The following RIMS2 variants were observed in gnomAD, a reference collection of about 807,000 sequenced individuals.
The protein encoded by RIMS2 is regulating synaptic membrane exocytosis protein 2.
Under a neutral mutation model 174.4 loss-of-function variants are expected in RIMS2, and 59 were observed. The observed-to-expected ratio is 0.34, with a 90% CI of 0.27 to 0.42. RIMS2 has a LOEUF of 0.42. RIMS2 is among the 10% of genes least tolerant of loss of function. The probability of loss-of-function intolerance (pLI) is 1.00; values close to 1 mark genes in which losing one functional copy is unlikely to be tolerated. For synonymous variants in RIMS2, 606 were observed against 572.5 expected, an observed-to-expected ratio of 1.06 and a Z score of -0.84; for missense variants, 1,620 against 1,666.3, an observed-to-expected ratio of 0.97 and a Z score of 0.48.
intron 1 of RIMS2, among the ~76,000 whole-genome samples, chr8:103,644,612 T>G (rs1228373407): frequency 6.6e-6 from 1 of 151,820 alleles, no homozygotes; most frequent in African/African-American, 2.4e-5. Context: ...TGATTTTATC[T>G]AAAATATTGG....
intron 3 of RIMS2, among the ~76,000 whole-genome samples, chr8:103,832,963 C>T (rs146574518): frequency 9.6e-4 from 146 of 152,252 alleles, no homozygotes; most frequent in African/African-American, 3.2e-3. Flanking sequence ...AGTTTCTGTT[C>T]TGAAGATCCA....
intron 1 of RIMS2, among the ~76,000 whole-genome samples, chr8:103,565,328 G>C (rs1003937275): frequency 6.6e-6 from 1 of 151,320 alleles, no homozygotes; most frequent in South Asian, 2.1e-4. Flanking sequence ...TTTTGGAGAC[G>C]AGGTCTCACT....
At chr8:104,026,364 T>C (rs374419475) in intron 19 of RIMS2, among the ~76,000 whole-genome samples, 23 of 152,176 alleles carry the variant, frequency 1.5e-4, no homozygotes, top group African/African-American at 5.1e-4. Context: ...TCTCAAATAG[T>C]TTTGTTTCCA....
intron 3 of RIMS2, among the ~76,000 whole-genome samples, chr8:103,830,210 C>T (rs2098817080): frequency 6.6e-6 from 1 of 151,844 alleles, no homozygotes; most frequent in Non-Finnish European, 1.5e-5. Flanking sequence ...TCTCGTTTGT[C>T]TACCATTTCA....
chr8:103,832,702 A>G (rs1173632767), intron 3 of RIMS2, among the ~76,000 whole-genome samples: 1 of 152,232 alleles, frequency 6.6e-6, no homozygotes, highest in Non-Finnish European at 1.5e-5. Flanking sequence ...ATGTCCCTGC[A>G]ATAGACATGA....
intron 19 of RIMS2, among the ~76,000 whole-genome samples, chr8:104,213,762 T>C (rs562615584): frequency 6.7e-6 from 1 of 149,292 alleles, no homozygotes; most frequent in Non-Finnish European, 1.5e-5. Flanking sequence ...CTGTAGTCCC[T>C]GCTACTCAGG....
At chr8:103,838,848 G>A (rs565445924) in intron 3 of RIMS2, among the ~76,000 whole-genome samples, 2 of 152,262 alleles carry the variant, frequency 1.3e-5, no homozygotes, top group Admixed American at 6.5e-5. Flanking sequence ...GGCAGATCAC[G>A]AGGTCAGGAG....
At position 104,147,774 on chromosome 8, in the gene RIMS2, C is replaced by T. The variant is rs144613483; in HGVS notation, c.3335-97142C>T. Among the ~76,000 whole-genome samples, 678 of 152,280 alleles carry T rather than the reference C, an allele frequency of 4.5e-3. 9 individuals carry two copies. Among genetic ancestry groups the T allele is most frequent in the African/African-American group, 0.016 (657 of 41,556 alleles). ...CTGGATAGCCTGCTTCCAGATTCTTCGCTTTCTAATCTACCTCTACCATAC... is the reference window on the plus strand; with the variant it reads ...CTGGATAGCCTGCTTCCAGATTCTTTGCTTTCTAATCTACCTCTACCATAC... On this transcript the variant is annotated intron_variant, in intron 19 of 23. Coordinates refer to ENST00000504942, the Ensembl canonical transcript of RIMS2.
At chr8:103,520,675 C>T (rs1195435462) in intron 1 of RIMS2, among the ~76,000 whole-genome samples, 1 of 152,036 alleles carries the variant, frequency 6.6e-6, no homozygotes, top group Non-Finnish European at 1.5e-5. Flanking sequence ...TTATTCACAT[C>T]TAAGCCCTGC....
intron 13 of RIMS2, among the ~76,000 whole-genome samples, chr8:103,940,326 C>G (rs916814253): frequency 6.6e-6 from 1 of 152,056 alleles, no homozygotes; most frequent in Non-Finnish European, 1.5e-5. Flanking sequence ...GAGAACTCCT[C>G]TATAAAACAA....
chr8:103,729,804 A>G (rs1447974766), intron 2 of RIMS2, among the ~76,000 whole-genome samples: 1 of 152,148 alleles, frequency 6.6e-6, no homozygotes, highest in Non-Finnish European at 1.5e-5. Flanking sequence ...TCATTGGCCT[A>G]CAAGTCACTC....
At chr8:103,738,598 C>T (rs1285866824) in intron 2 of RIMS2, among the ~76,000 whole-genome samples, 2 of 152,072 alleles carry the variant, frequency 1.3e-5, no homozygotes, top group Non-Finnish European at 2.9e-5. Flanking sequence ...AACAGGCAAC[C>T]TACAGAATGG....
At chr8:103,742,624 G>C (rs1169771430) in intron 2 of RIMS2, among the ~76,000 whole-genome samples, 3 of 152,074 alleles carry the variant, frequency 2.0e-5, no homozygotes, top group East Asian at 3.8e-4. Flanking sequence ...ATTTATAAAA[G>C]CTCTCTAAAG....
chr8:103,940,080 C>G (rs2082180285), intron 13 of RIMS2, among the ~76,000 whole-genome samples: 4 of 152,206 alleles, frequency 2.6e-5, no homozygotes, highest in Admixed American at 2.6e-4. Flanking sequence ...CAAAGCACTT[C>G]CACATTTTCA....
chr8:103,922,295 A>AT (rs1450066767), intron 10 of RIMS2, among the ~76,000 whole-genome samples: 1 of 151,922 alleles, frequency 6.6e-6, no homozygotes, highest in Non-Finnish European at 1.5e-5. Context: ...GAAATAGAGA[A>AT]ATATATAATG....
intron 19 of RIMS2, among the ~76,000 whole-genome samples, chr8:104,234,562 A>G (rs2099248930): frequency 8.0e-6 from 1 of 125,484 alleles, no homozygotes. Context: ...GACAAGAAAA[A>G]CAAGAAAGTA....
chr8:103,683,990 T>A (rs144736288), intron 1 of RIMS2, among the ~76,000 whole-genome samples: 2 of 152,202 alleles, frequency 1.3e-5, no homozygotes, highest in Non-Finnish European at 2.9e-5. Flanking sequence ...AAAGTAGATA[T>A]AAGGACTCCT....
chr8:104,223,904 G>T, intron 19 of RIMS2: 9 of 858,408 alleles, frequency 1.0e-5, no homozygotes, highest in Non-Finnish European at 1.5e-5. Context: ...CAGCCCCTCT[G>T]CTCTCCGGGA....
intron 1 of RIMS2, among the ~76,000 whole-genome samples, chr8:103,684,352 C>A (rs1411754627): frequency 1.3e-4 from 19 of 151,934 alleles, no homozygotes; most frequent in Non-Finnish European, 1.6e-4. Context: ...TTGTGTATAA[C>A]CAGCAAGTTA....
Sources: gnomAD v4.1 joint callset for allele counts (sites outside exome capture counted in the v4.1 genomes callset) on GRCh38, gnomAD v4.1.1 for gene constraint, MANE v1.5 for transcripts, NCBI Gene and HGNC (gene_info 2026-07-23, HGNC 2026-07-21) for gene names.